LTF: variants seen among roughly 807,000 people sequenced by gnomAD.
The protein encoded by LTF is lactotransferrin, also known as epididymis luminal protein 110.
LTF carries 91 observed loss-of-function variants against 87.2 expected under a neutral mutation model. The observed-to-expected ratio is 1.04, with a 90% CI of 0.88 to 1.24. The LOEUF is 1.24. Ranked by LOEUF, LTF falls within the 50% of genes most tolerant of loss-of-function variation. The probability of loss-of-function intolerance (pLI) is 0.00; values close to 1 mark genes in which losing one functional copy is unlikely to be tolerated. For synonymous variants in LTF, 378 were observed against 356.1 expected (o/e 1.06, Z -0.69); for missense variants, 901 against 904.3 (o/e 1.00, Z 0.05).
At chr3:46,438,438 A>G (rs528002534) in intron 15 of LTF, among the ~76,000 whole-genome samples, 1 of 152,220 alleles carries the variant, frequency 6.6e-6, no homozygotes, top group African/African-American at 2.4e-5. Flanking sequence ...CAAGGCAACA[A>G]TGGAGGGGTT....
intron 8 of LTF, 83 bp downstream of exon 8, chr3:46,449,771 G>A: frequency 5.5e-6 from 8 of 1,443,630 alleles, no homozygotes; most frequent in Non-Finnish European, 7.6e-6. Context: ...GGGAAAAGGA[G>A]TGACCGCCAC....
chr3:46,462,754 G>C (rs1703115748), intron 1 of LTF, among the ~76,000 whole-genome samples: 1 of 152,152 alleles, frequency 6.6e-6, no homozygotes, highest in African/African-American at 2.4e-5. Flanking sequence ...CACCAGGGAA[G>C]GGCTAGTCTG....
At chr3:46,450,345 G>T in intron 7 of LTF, 150 bp downstream of exon 7, 1 of 833,508 alleles carries the variant, frequency 1.2e-6, no homozygotes, top group South Asian at 1.6e-5. Flanking sequence ...GCTGTCCACA[G>T]TACAGCCTGG....
chr3:46,465,151 G>C, upstream of LTF: 5 of 504,706 alleles, frequency 9.9e-6, no homozygotes, highest in Non-Finnish European at 1.4e-5. Context: ...TAGTCTGCAA[G>C]CCCCTAGGAG....
chr3:46,482,755 GA>G (rs60878657), intron 1 of LTF, among the ~76,000 whole-genome samples: 2 of 134,662 alleles, frequency 1.5e-5, no homozygotes, highest in African/African-American at 2.7e-5. Context: ...AGGAAAGAAG[GA>G]AAGAGAAAGA....
At chr3:46,468,734 T>C (rs527317070), upstream of LTF, among the ~76,000 whole-genome samples, 1 of 152,286 alleles carries the variant, frequency 6.6e-6, no homozygotes, top group East Asian at 1.9e-4. Flanking sequence ...GCTTGGACAA[T>C]AGCTTGGCAG....
chr3:46,447,533 G>T, intron 9 of LTF, 135 bp from the exon 10 acceptor site: 1 of 683,308 alleles, frequency 1.5e-6, no homozygotes, highest in Non-Finnish European at 2.6e-6. Flanking sequence ...TATTCAAACT[G>T]AGCAGCCAGA....
chr3:46,456,670 C>T (rs1019724882), intron 2 of LTF, among the ~76,000 whole-genome samples: 1 of 152,208 alleles, frequency 6.6e-6, no homozygotes, highest in Non-Finnish European at 1.5e-5. Flanking sequence ...CCCTCACAGT[C>T]ATCTATATTT....
intron 13 of LTF, 41 bp downstream of exon 13, chr3:46,443,400 A>G (rs1702569288): frequency 1.2e-6 from 2 of 1,603,798 alleles, no homozygotes; most frequent in Non-Finnish European, 8.5e-7. Flanking sequence ...CTGAGGGATG[A>G]GGTAAGTCCC....
intron 2 of LTF, among the ~76,000 whole-genome samples, chr3:46,457,739 T>C (rs1011589695): frequency 1.3e-5 from 2 of 152,242 alleles, no homozygotes; most frequent in Admixed American, 1.3e-4. Flanking sequence ...ACTCTGTTCA[T>C]ATCATTTTTC....
intron 9 of LTF, among the ~76,000 whole-genome samples, chr3:46,447,760 AG>A (rs1310205690): frequency 6.6e-6 from 1 of 152,154 alleles, no homozygotes; most frequent in Non-Finnish European, 1.5e-5. Flanking sequence ...TGAACTCATT[AG>A]CACTCCACTC....
At chr3:46,473,905 A>C (rs1703324767) in intron 1 of LTF, among the ~76,000 whole-genome samples, 1 of 152,232 alleles carries the variant, frequency 6.6e-6, no homozygotes. Flanking sequence ...GTAGGCTGTG[A>C]TAAATCATGT....
intron 16 of LTF, 35 bp downstream of exon 16, chr3:46,437,905 T>C: frequency 6.3e-7 from 1 of 1,584,030 alleles, no homozygotes; most frequent in Non-Finnish European, 8.6e-7. Context: ...TCACCCATGG[T>C]GGTTTCTCGG....
At chr3:46,462,128 C>T (rs543050891) in intron 1 of LTF, among the ~76,000 whole-genome samples, 6 of 152,300 alleles carry the variant, frequency 3.9e-5, no homozygotes, top group African/African-American at 1.4e-4. Context: ...GAGAATTAAC[C>T]CAATCAGATG....
In LTF at chr3:46,449,015, C is replaced by A; in HGVS notation, c.1060G>T (p.Glu354Ter). ...FTAIQNLRKS[E>*]EEVAARRARV... ...GCACGCCGGGCAGCCACTTCCTCCTCACCTGCCAGAGGGAAGACCGCAGGT... is the reference window on the plus strand; with the variant it reads ...GCACGCCGGGCAGCCACTTCCTCCTAACCTGCCAGAGGGAAGACCGCAGGT... The change falls in exon 9 of 17, where the codon GAG (glutamate) becomes TAG (stop). Residue 354 changes from glutamate (E) to a stop codon, truncating the protein, a stop_gained and splice_region_variant. Coordinates refer to ENST00000231751, the MANE Select transcript of LTF (RefSeq NM_002343.6). LOFTEE classifies it high-confidence loss of function. 6.2e-7 allele frequency: 1 copy of A among 1,606,652 alleles called. No individual in the cohort carries two copies.
intron 5 of LTF, among the ~76,000 whole-genome samples, chr3:46,455,016 A>C (rs1702891769): frequency 6.6e-6 from 1 of 152,312 alleles, no homozygotes; most frequent in Admixed American, 6.5e-5. Flanking sequence ...AGGGCAGCCA[A>C]GTTGGATTCA....
intron 9 of LTF, among the ~76,000 whole-genome samples, 186 bp downstream of exon 9, chr3:46,448,677 G>C (rs1302801434): frequency 6.6e-6 from 1 of 152,166 alleles, no homozygotes; most frequent in Non-Finnish European, 1.5e-5. Context: ...CAGAGGAGTG[G>C]GAAACCCACA....
intron 16 of LTF, among the ~76,000 whole-genome samples, chr3:46,436,526 T>C (rs553111857): frequency 1.3e-5 from 2 of 152,334 alleles, no homozygotes; most frequent in Admixed American, 6.5e-5. Context: ...TCACAAGACA[T>C]TGGTGGTCCT....
In LTF at chr3:46,464,434, G is replaced by A. The variant is rs1439430175; in HGVS notation, c.43+391C>T. ...GTCTTGCTGGGGTCTCACAGTCCTC[G>A]CAGGAGCTAGGATCTGGACTAGGGT... On this transcript the variant is annotated intron_variant, in intron 1 of 16. Coordinates refer to ENST00000231751, the MANE Select transcript of LTF (RefSeq NM_002343.6). Among the ~76,000 whole-genome samples, 3 of 152,172 alleles carry A rather than the reference G, an allele frequency of 2.0e-5. No homozygotes were observed. In the East Asian group the frequency reaches 5.8e-4, roughly 29 times the overall value.
Sources: gnomAD v4.1 joint callset for allele counts (sites outside exome capture counted in the v4.1 genomes callset) on GRCh38, gnomAD v4.1.1 for gene constraint, MANE v1.5 for transcripts, NCBI Gene and HGNC (gene_info 2026-07-23, HGNC 2026-07-21) for gene names.